Variants in CTNNA3 observed in about 807,000 individuals in gnomAD.
CTNNA3 encodes the protein catenin alpha 3.
Under a neutral mutation model 95.7 loss-of-function variants are expected in CTNNA3, and 76 were observed. The observed-to-expected ratio is 0.79, with a 90% CI of 0.66 to 0.96. The LOEUF (loss-of-function observed/expected upper bound fraction) is 0.96. Among genes scored for constraint, CTNNA3 ranks in the 40% least tolerant of loss-of-function variants. CTNNA3 has a pLI of 0.00. For missense variants in CTNNA3, 1,191 were observed against 1,089.8 expected, an observed-to-expected ratio of 1.09 and a Z score of -1.31; for synonymous variants, 431 against 374.4, an observed-to-expected ratio of 1.15 and a Z score of -1.74.
At chr10:66,768,923 G>A (rs939363217) in intron 8 of CTNNA3, among the ~76,000 whole-genome samples, 10 of 152,106 alleles carry the variant, frequency 6.6e-5, no homozygotes, top group Admixed American at 6.5e-4. Flanking sequence ...GGGCTGAAGA[G>A]TCCTATTGCT....
intron 12 of CTNNA3, among the ~76,000 whole-genome samples, chr10:66,333,053 T>C (rs1388529231): frequency 1.3e-5 from 2 of 152,098 alleles, no homozygotes; most frequent in Non-Finnish European, 2.9e-5. Flanking sequence ...AGTTTGTATT[T>C]CTGTGGGATC....
intron 11 of CTNNA3, among the ~76,000 whole-genome samples, chr10:66,516,507 G>A (rs1042905285): frequency 6.6e-6 from 1 of 152,120 alleles, no homozygotes; most frequent in Non-Finnish European, 1.5e-5. Flanking sequence ...CACAAGAGCC[G>A]ATTCTATGCA....
At chr10:66,700,888 C>T (rs776647915) in intron 9 of CTNNA3, among the ~76,000 whole-genome samples, 3 of 152,130 alleles carry the variant, frequency 2.0e-5, no homozygotes, top group African/African-American at 4.8e-5. Flanking sequence ...ATATAATCTG[C>T]TTATATAGCA....
intron 1 of CTNNA3, among the ~76,000 whole-genome samples, chr10:67,711,653 T>G (rs1395679932): frequency 6.6e-6 from 1 of 151,748 alleles, no homozygotes; most frequent in Non-Finnish European, 1.5e-5. Context: ...TACATATGTA[T>G]ACATGTGCCA....
chr10:66,103,391 A>G (rs1564646258), intron 13 of CTNNA3, 142 bp from the exon 14 acceptor site: 4 of 659,314 alleles, frequency 6.1e-6, no homozygotes. Context: ...TACTCAAGAG[A>G]AAGGAAGGCA....
rs77826584 is a variant in CTNNA3, at chr10:67,262,987, C to T, written c.580-43117G>A. 3.9e-4 allele frequency among the ~76,000 whole-genome samples: 60 copies of T among 152,204 alleles called. No homozygotes were observed. In the East Asian group the frequency reaches 9.3e-3, roughly 24 times the overall value. On this transcript the variant is annotated intron_variant, in intron 5 of 17. Coordinates refer to ENST00000433211, the MANE Select transcript of CTNNA3 (RefSeq NM_013266.4). ...GAACTGTATAAGTTCAAGTAATTAA[C>T]ATCTTACTTGTATAGGAACTAGTTA...
At chr10:66,350,488 A>G (rs1490967483) in intron 12 of CTNNA3, among the ~76,000 whole-genome samples, 1 of 151,980 alleles carries the variant, frequency 6.6e-6, no homozygotes, top group Non-Finnish European at 1.5e-5. Flanking sequence ...CAAGAGATAC[A>G]TTTCCTGACT....
At chr10:67,196,260 T>C (rs1863365608) in intron 6 of CTNNA3, among the ~76,000 whole-genome samples, 1 of 152,028 alleles carries the variant, frequency 6.6e-6, no homozygotes, top group African/African-American at 2.4e-5. Flanking sequence ...GAAGGCAAAA[T>C]GTGAACAATA....
intron 10 of CTNNA3, among the ~76,000 whole-genome samples, chr10:66,607,472 CAAAAA>C (rs574854850): frequency 4.4e-5 from 2 of 45,288 alleles, no homozygotes; most frequent in Admixed American, 3.3e-4. Flanking sequence ...CAGAGACAAC[CAAAAA>C]AAAAAAAAAA....
chr10:66,623,460 C>T (rs1419214820), intron 9 of CTNNA3, among the ~76,000 whole-genome samples: 1 of 132,298 alleles, frequency 7.6e-6, no homozygotes. Flanking sequence ...TTGCTGGCCA[C>T]CGAGGCTTAT....
chr10:66,007,796 TTCCTTCCTCCCTCG>T (rs2078926172), intron 15 of CTNNA3, among the ~76,000 whole-genome samples: 1 of 59,166 alleles, frequency 1.7e-5, no homozygotes, highest in African/African-American at 6.6e-5. Context: ...CCTTCCTCCC[TTCCTTCCTCCCTCG>T]CTCCCTCCCT....
At chr10:67,585,697 T>C (rs1842600964) in intron 3 of CTNNA3, among the ~76,000 whole-genome samples, 1 of 152,184 alleles carries the variant, frequency 6.6e-6, no homozygotes, top group Non-Finnish European at 1.5e-5. Context: ...TTCTAATTTC[T>C]GATTTTACAT....
chr10:67,704,239 C>T (rs1032703140), intron 1 of CTNNA3, among the ~76,000 whole-genome samples: 2 of 152,200 alleles, frequency 1.3e-5, no homozygotes, highest in Non-Finnish European at 2.9e-5. Context: ...CCCCATCAAG[C>T]TACCAATGAC....
chr10:66,368,762 C>A (rs2092731626), intron 12 of CTNNA3, among the ~76,000 whole-genome samples: 1 of 152,052 alleles, frequency 6.6e-6, no homozygotes, highest in African/African-American at 2.4e-5. Context: ...AATATTTTAA[C>A]TTACTTCTTC....
intron 5 of CTNNA3, among the ~76,000 whole-genome samples, chr10:67,383,810 C>T (rs777724664): frequency 2.0e-5 from 3 of 152,150 alleles, no homozygotes; most frequent in Admixed American, 1.3e-4. Context: ...CCACTTCTAA[C>T]ATTAAACAGT....
chr10:66,211,882 G>C (rs142982847), intron 13 of CTNNA3, among the ~76,000 whole-genome samples: 180 of 152,032 alleles, frequency 1.2e-3, no homozygotes, highest in African/African-American at 4.1e-3. Flanking sequence ...CCTCTCTATG[G>C]ATGTGATTAT....
intron 15 of CTNNA3, among the ~76,000 whole-genome samples, chr10:66,001,649 A>G (rs1482709561): frequency 6.6e-6 from 1 of 152,192 alleles, no homozygotes; most frequent in Non-Finnish European, 1.5e-5. Context: ...CATTTGACAC[A>G]TAGCAGATGT....
intron 15 of CTNNA3, among the ~76,000 whole-genome samples, chr10:66,051,251 G>C (rs561068690): frequency 6.6e-6 from 1 of 152,128 alleles, no homozygotes; most frequent in East Asian, 1.9e-4. Flanking sequence ...TCCAAATTCA[G>C]ATTTTGTTTT....
rs977582848 is a variant in CTNNA3, at chr10:66,108,194, A to G, written c.1885-4945T>C. On this transcript the variant is annotated intron_variant, in intron 13 of 17. Transcript: ENST00000433211. ...AAAATAAAAATATATCAATGACACA[A>G]TGCCAAAATAAAGAAAATTAAGACA... is the stretch of plus-strand genomic sequence containing the variant. 3.9e-5 allele frequency among the ~76,000 whole-genome samples: 6 copies of G among 152,172 alleles called. No homozygotes were observed. In the South Asian group the frequency reaches 1.2e-3, roughly 31 times the overall value.
Sources: allele counts gnomAD v4.1 joint callset (sites outside exome capture counted in the v4.1 genomes callset), GRCh38; gene constraint gnomAD v4.1.1; transcripts MANE v1.5; gene names NCBI Gene and HGNC (gene_info 2026-07-23, HGNC 2026-07-21).